Variants in RIT2 observed in about 807,000 individuals in gnomAD.
The protein encoded by RIT2 is GTP-binding protein Rit2.
A neutral mutation model predicts 23.7 loss-of-function variants in RIT2; 24 were observed. The ratio of observed to expected loss-of-function variants is 1.01; its 90% CI spans 0.73 to 1.43. The LOEUF is 1.43. Among genes scored for constraint, RIT2 ranks in the 40% most tolerant of loss-of-function variants. The pLI, the probability that RIT2 is intolerant of heterozygous loss-of-function variation, is 0.00. For synonymous variants in RIT2, 107 were observed against 91.1 expected, an observed-to-expected ratio of 1.17 and a Z score of -0.99; for missense variants, 236 against 266.9, an observed-to-expected ratio of 0.88 and a Z score of 0.81.
At chr18:43,044,897 C>T (rs763664043) in intron 1 of RIT2, among the ~76,000 whole-genome samples, 26 of 152,132 alleles carry the variant, frequency 1.7e-4, no homozygotes, top group Non-Finnish European at 3.5e-4. Flanking sequence ...CTTTCCAGGA[C>T]TTTAAAAACT....
At chr18:42,990,674 G>A (rs1910821229) in intron 2 of RIT2, among the ~76,000 whole-genome samples, 2 of 152,162 alleles carry the variant, frequency 1.3e-5, no homozygotes, top group African/African-American at 4.8e-5. Context: ...ATAATAAGTG[G>A]TCAATAAATT....
intron 4 of RIT2, among the ~76,000 whole-genome samples, chr18:42,900,492 T>TC (rs1908446934): frequency 2.0e-5 from 3 of 152,064 alleles, no homozygotes; most frequent in Non-Finnish European, 4.4e-5. Context: ...CTATGCCTTT[T>TC]TAAAAAAGAG....
At chr18:42,892,337 G>A (rs1485537032) in intron 4 of RIT2, among the ~76,000 whole-genome samples, 2 of 152,162 alleles carry the variant, frequency 1.3e-5, no homozygotes, top group African/African-American at 4.8e-5. Context: ...TGGACTTACT[G>A]TGATTAAGAA....
intron 4 of RIT2, among the ~76,000 whole-genome samples, chr18:42,837,486 T>G (rs1174358132): frequency 6.6e-6 from 1 of 150,840 alleles, no homozygotes; most frequent in African/African-American, 2.4e-5. Context: ...AAAAAAAAAA[T>G]GTACTTTCAC....
chr18:42,881,140 C>CT (rs1329087678), intron 4 of RIT2, among the ~76,000 whole-genome samples: 5 of 152,170 alleles, frequency 3.3e-5, no homozygotes, highest in Non-Finnish European at 7.3e-5. Context: ...CCACATCCTG[C>CT]TGCCTCTCTG....
chr18:43,007,077 C>G (rs1036699270), intron 2 of RIT2, among the ~76,000 whole-genome samples: 1 of 151,546 alleles, frequency 6.6e-6, no homozygotes, highest in Non-Finnish European at 1.5e-5. Context: ...TGCAAACTAA[C>G]TTTCAAGTAT....
At chr18:42,965,910 T>G (rs925796545) in intron 3 of RIT2, among the ~76,000 whole-genome samples, 1 of 151,720 alleles carries the variant, frequency 6.6e-6, no homozygotes, top group Admixed American at 6.6e-5. Flanking sequence ...CAGAAACAGC[T>G]TTTAGAAGAA....
chr18:42,867,238 G>A (rs1380780820), intron 4 of RIT2, among the ~76,000 whole-genome samples: 3 of 151,992 alleles, frequency 2.0e-5, no homozygotes, highest in East Asian at 1.9e-4. Flanking sequence ...TATGTCCTAT[G>A]TCAGTGATTG....
At position 42,906,783 on chromosome 18, in the gene RIT2, T is replaced by C. The variant is rs539460116; in HGVS notation, c.426+16789A>G. On this transcript the variant is annotated intron_variant, in intron 4 of 4. Transcript: ENST00000326695. ...CATATCTGTCTGATAATTATGAAAATAGCTTTGTTTCCCTCATTAAGAGAA... is the reference window on the plus strand; with the variant it reads ...CATATCTGTCTGATAATTATGAAAACAGCTTTGTTTCCCTCATTAAGAGAA... 3.9e-5 allele frequency among the ~76,000 whole-genome samples: 6 copies of C among 152,252 alleles called. No homozygotes were observed. The South Asian group carries it at 8.3e-4, about 21-fold the overall frequency.
chr18:42,814,045 G>A (rs1229815481), intron 4 of RIT2, among the ~76,000 whole-genome samples: 2 of 152,206 alleles, frequency 1.3e-5, no homozygotes, highest in Non-Finnish European at 2.9e-5. Context: ...CAGGGGTAGA[G>A]GAAGCAGTGG....
At chr18:43,006,228 A>G (rs1911225302) in intron 2 of RIT2, among the ~76,000 whole-genome samples, 1 of 151,798 alleles carries the variant, frequency 6.6e-6, no homozygotes, top group African/African-American at 2.4e-5. Flanking sequence ...CTAAAATATC[A>G]GGAAAATAAA....
chr18:42,974,637 G>C (rs1910438462), intron 2 of RIT2, among the ~76,000 whole-genome samples: 1 of 151,930 alleles, frequency 6.6e-6, no homozygotes, highest in Non-Finnish European at 1.5e-5. Context: ...AATTATCTCT[G>C]TTCACAGACA....
intron 2 of RIT2, among the ~76,000 whole-genome samples, chr18:43,013,490 A>G (rs1208245083): frequency 6.6e-6 from 1 of 151,784 alleles, no homozygotes. Flanking sequence ...TATTTATCCT[A>G]GTATTTATAG....
At chr18:42,745,996 T>C (rs547244095) in intron 4 of RIT2, among the ~76,000 whole-genome samples, 2 of 152,282 alleles carry the variant, frequency 1.3e-5, no homozygotes, top group African/African-American at 4.8e-5. Flanking sequence ...GTTTTGTTGC[T>C]AGACTGCTTT....
At chr18:42,780,715 C>T (rs561080205) in intron 4 of RIT2, among the ~76,000 whole-genome samples, 2 of 151,924 alleles carry the variant, frequency 1.3e-5, no homozygotes, top group South Asian at 2.1e-4. Flanking sequence ...TATCTTTCTG[C>T]GTTAATGTTG....
intron 3 of RIT2, among the ~76,000 whole-genome samples, chr18:42,924,819 A>C (rs1289401483): frequency 1.3e-5 from 2 of 152,050 alleles, no homozygotes; most frequent in Non-Finnish European, 2.9e-5. Flanking sequence ...AATAAATGTC[A>C]ATTTGATTTA....
intron 1 of RIT2, among the ~76,000 whole-genome samples, chr18:43,105,675 G>A (rs986898485): frequency 1.3e-5 from 2 of 152,154 alleles, no homozygotes; most frequent in African/African-American, 4.8e-5. Context: ...AGTGACCTGT[G>A]CAACGTCAAG....
intron 1 of RIT2, among the ~76,000 whole-genome samples, chr18:43,086,814 A>G (rs1180757848): frequency 6.6e-6 from 1 of 152,214 alleles, no homozygotes; most frequent in Non-Finnish European, 1.5e-5. Context: ...GGCAAATGCC[A>G]CACTAAATGG....
intron 4 of RIT2, among the ~76,000 whole-genome samples, chr18:42,802,083 T>C (rs555181751): frequency 6.6e-6 from 1 of 152,136 alleles, no homozygotes; most frequent in South Asian, 2.1e-4. Context: ...ACACAAATCA[T>C]GAAGCCCACA....
Sources: gnomAD v4.1 joint callset for allele counts (sites outside exome capture counted in the v4.1 genomes callset) on GRCh38, gnomAD v4.1.1 for gene constraint, MANE v1.5 for transcripts, NCBI Gene and HGNC (gene_info 2026-07-23, HGNC 2026-07-21) for gene names.